Variants in MPP7 observed in about 807,000 individuals in gnomAD.
MPP7 encodes the protein MAGUK p55 subfamily member 7.
Under a neutral mutation model 76.5 loss-of-function variants are expected in MPP7, and 60 were observed. The ratio of observed to expected loss-of-function variants is 0.78; its 90% confidence interval spans 0.64 to 0.97. The LOEUF (loss-of-function observed/expected upper bound fraction) is 0.97, where lower values mean the gene tolerates loss of function less well. Ranked by LOEUF, MPP7 falls within the 50% of genes least tolerant of loss-of-function variation. MPP7 has a pLI of 0.00. For synonymous variants in MPP7, 237 were observed against 244.5 expected, an observed-to-expected ratio of 0.97 and a Z score of 0.29; for missense variants, 641 against 694.0, an observed-to-expected ratio of 0.92 and a Z score of 0.86.
At chr10:28,281,750 G>C (rs1268892601) in intron 1 of MPP7, among the ~76,000 whole-genome samples, 1 of 151,968 alleles carries the variant, frequency 6.6e-6, no homozygotes, top group Non-Finnish European at 1.5e-5. Flanking sequence ...GCCTGTTTCA[G>C]TTAAGAAAAT....
intron 2 of MPP7, among the ~76,000 whole-genome samples, chr10:28,232,624 T>C (rs1369816668): frequency 2.0e-5 from 3 of 152,254 alleles, no homozygotes. Context: ...TCTAAATAAA[T>C]ATTCACTTTC....
At chr10:28,204,575 C>T (rs1323386136) in intron 2 of MPP7, among the ~76,000 whole-genome samples, 1 of 151,996 alleles carries the variant, frequency 6.6e-6, no homozygotes, top group Non-Finnish European at 1.5e-5. Context: ...AATTGCAAGA[C>T]TCTATTATAA....
At chr10:28,309,493 C>A (rs1221775764) in intron 2 of MPP7, among the ~76,000 whole-genome samples, 1 of 152,098 alleles carries the variant, frequency 6.6e-6, no homozygotes, top group Non-Finnish European at 1.5e-5. Context: ...ATTCCTTCTC[C>A]CAGTTCCTAC....
intron 5 of MPP7, among the ~76,000 whole-genome samples, chr10:28,146,045 T>C (rs1835693092): frequency 6.6e-6 from 1 of 152,100 alleles, no homozygotes; most frequent in African/African-American, 2.4e-5. Context: ...ACCAAAACAA[T>C]AATTTCAAAA....
At chr10:28,103,142 A>T (rs199811749) in intron 11 of MPP7, among the ~76,000 whole-genome samples, 8 of 70,494 alleles carry the variant, frequency 1.1e-4, no homozygotes, top group South Asian at 1.6e-3. Flanking sequence ...GGGGGGTCAG[A>T]CCGTGCACAT....
rs41299220 is a variant in MPP7 at position 28,053,704 on chromosome 10, G to A, written c.*361C>T. On this transcript the variant is annotated 3_prime_UTR_variant, in exon 17 of 17. Coordinates refer to ENST00000683449, the MANE Select transcript of MPP7 (RefSeq NM_001318170.2). ...CCTTCAACAGCTAACATTCAAACTC[G>A]ACAGCAGCAGCCACACCTGAGACCA... 6,156 of 195,168 alleles carry A rather than the reference G, an allele frequency of 0.032. 132 individuals carry two copies. Among genetic ancestry groups the A allele is most frequent in the Middle Eastern group, 0.056 (29 of 516 alleles). 12.1% of individuals were successfully genotyped at this position (195,168 alleles called of 1,614,324 possible). A position where few individuals can be genotyped will look rare whatever the true frequency, so the allele number is the denominator to read the frequency against.
intron 1 of MPP7, among the ~76,000 whole-genome samples, chr10:28,293,605 G>A (rs570227318): frequency 2.6e-5 from 4 of 152,322 alleles, no homozygotes; most frequent in African/African-American, 4.8e-5. Flanking sequence ...GACTCTACAC[G>A]GACCAATCAT....
At chr10:28,111,372 T>C (rs1050960189) in intron 11 of MPP7, among the ~76,000 whole-genome samples, 3 of 152,206 alleles carry the variant, frequency 2.0e-5, no homozygotes, top group Admixed American at 6.5e-5. Context: ...AAAGAATGCA[T>C]ACACTTAAGT....
intron 3 of MPP7, among the ~76,000 whole-genome samples, chr10:28,167,307 C>A (rs1003814636): frequency 5.6e-5 from 4 of 71,696 alleles, no homozygotes; most frequent in Non-Finnish European, 7.5e-5. Context: ...TGAGGCTCTG[C>A]CTCAAAAAAA....
At chr10:28,233,580 T>C (rs1564721358) in intron 2 of MPP7, among the ~76,000 whole-genome samples, 1 of 150,524 alleles carries the variant, frequency 6.6e-6, no homozygotes, top group Non-Finnish European at 1.5e-5. Context: ...TAGCCGGGCG[T>C]GGTGGCGGGC....
At chr10:28,260,325 T>C (rs529075076) in intron 1 of MPP7, among the ~76,000 whole-genome samples, 3 of 152,212 alleles carry the variant, frequency 2.0e-5, no homozygotes, top group Non-Finnish European at 4.4e-5. Context: ...TATTAGTCTA[T>C]ATGTATGCAT....
At chr10:28,202,415 A>G (rs1299782033) in intron 2 of MPP7, 144 bp from the exon 3 acceptor site, 1 of 579,254 alleles carries the variant, frequency 1.7e-6, no homozygotes, top group Non-Finnish European at 3.0e-6. Context: ...TCTCCAAAGA[A>G]CCAAAGGGGA....
chr10:28,239,037 A>G (rs189280129), intron 1 of MPP7, among the ~76,000 whole-genome samples: 2 of 152,330 alleles, frequency 1.3e-5, no homozygotes, highest in Non-Finnish European at 2.9e-5. Context: ...CTGTAAGTCA[A>G]TGTCATTCTC....
chr10:28,114,538 A>C (rs182488269), intron 11 of MPP7, among the ~76,000 whole-genome samples: 1 of 152,138 alleles, frequency 6.6e-6, no homozygotes, highest in Non-Finnish European at 1.5e-5. Flanking sequence ...TAAACGTCCC[A>C]TTCTGCTGGA....
intron 11 of MPP7, among the ~76,000 whole-genome samples, chr10:28,091,364 T>G (rs1853292923): frequency 6.6e-6 from 1 of 151,756 alleles, no homozygotes; most frequent in Non-Finnish European, 1.5e-5. Flanking sequence ...CTCGGCTCAT[T>G]GCAACCTCCG....
intron 11 of MPP7, among the ~76,000 whole-genome samples, chr10:28,115,850 A>G (rs1196575256): frequency 6.6e-6 from 1 of 152,200 alleles, no homozygotes; most frequent in Non-Finnish European, 1.5e-5. Context: ...AATAATAATC[A>G]TGACTAGTTA....
At chr10:28,187,127 T>C (rs1178932280) in intron 3 of MPP7, among the ~76,000 whole-genome samples, 2 of 152,188 alleles carry the variant, frequency 1.3e-5, no homozygotes, top group Admixed American at 6.5e-5. Flanking sequence ...TGAATCACCA[T>C]GTAAATCTCA....
chr10:28,147,695 A>G (rs1031497646), intron 4 of MPP7, 132 bp from the exon 5 acceptor site: 1 of 738,770 alleles, frequency 1.4e-6, no homozygotes, highest in African/African-American at 1.7e-5. Context: ...AGCATAAAAG[A>G]AAACAGATCA....
intron 3 of MPP7, among the ~76,000 whole-genome samples, chr10:28,157,068 G>C (rs190628011): frequency 4.6e-5 from 7 of 152,222 alleles, no homozygotes; most frequent in Admixed American, 4.6e-4. Context: ...AAATTAGCCA[G>C]GTGTGGTGCA....
Sources: allele counts gnomAD v4.1 joint callset (sites outside exome capture counted in the v4.1 genomes callset), GRCh38; gene constraint gnomAD v4.1.1; transcripts MANE v1.5; gene names NCBI Gene and HGNC (gene_info 2026-07-23, HGNC 2026-07-21).